CELF2: variants seen among roughly 807,000 people sequenced by gnomAD.
CELF2 encodes CUG triplet repeat RNA-binding protein 2.
A neutral mutation model predicts 62.6 loss-of-function variants in CELF2; 8 were observed. The ratio of observed to expected loss-of-function variants is 0.13; its 90% confidence interval spans 0.07 to 0.23. The LOEUF is 0.23. CELF2 is among the 10% of genes least tolerant of loss of function. The pLI is 1.00. For missense variants in CELF2, 333 were observed against 671.0 expected, an observed-to-expected ratio of 0.50 and a Z score of 5.56; for synonymous variants, 258 against 250.0, an observed-to-expected ratio of 1.03 and a Z score of -0.30.
At chr10:10,758,642 T>A in the CELF2 span, among the ~76,000 whole-genome samples, 2 of 152,206 alleles carry the variant, frequency 1.3e-5, no homozygotes, top group Admixed American at 6.5e-5. Flanking sequence ...AAAATAAATG[T>A]ACTAAATCAG....
intron 1 of CELF2, among the ~76,000 whole-genome samples, chr10:10,843,797 C>T (rs183348286): frequency 2.0e-5 from 3 of 152,050 alleles, no homozygotes; most frequent in Admixed American, 6.6e-5. Context: ...AAAATCGCCC[C>T]CCAACACTGA....
intron 2 of CELF2, among the ~76,000 whole-genome samples, chr10:10,955,147 G>A (rs1266460819): frequency 6.6e-6 from 1 of 152,238 alleles, no homozygotes; most frequent in African/African-American, 2.4e-5. Flanking sequence ...CTGCCAGAAA[G>A]ATGGTGTTCT....
the CELF2 span, among the ~76,000 whole-genome samples, chr10:10,600,476 G>C: frequency 6.6e-6 from 1 of 152,186 alleles, no homozygotes; most frequent in African/African-American, 2.4e-5. Context: ...TCAAAACAGA[G>C]ACATGGAAGT....
At chr10:10,471,473 T>G in the CELF2 span, among the ~76,000 whole-genome samples, 1 of 151,824 alleles carries the variant, frequency 6.6e-6, no homozygotes, top group African/African-American at 2.4e-5. Context: ...GTTGACCATT[T>G]TTTTATTATA....
chr10:10,914,129 T>C (rs1206851071), intron 1 of CELF2, among the ~76,000 whole-genome samples: 3 of 72,290 alleles, frequency 4.1e-5, no homozygotes, highest in African/African-American at 1.5e-4. Context: ...TTTACCTTTT[T>C]TTAAAAAAAA....
chr10:10,550,152 A>C, the CELF2 span, among the ~76,000 whole-genome samples: 1 of 152,258 alleles, frequency 6.6e-6, no homozygotes, highest in South Asian at 2.1e-4. Context: ...TTTATGTTTT[A>C]TGTATTATAC....
At chr10:10,919,839 C>A in intron 1 of CELF2, 1 of 529,494 alleles carries the variant, frequency 1.9e-6, no homozygotes, top group Non-Finnish European at 2.9e-6. Flanking sequence ...AACTTTCTAA[C>A]CACCTGCATG....
Position 11,306,257 on chromosome 10 carries a change from C to T in CELF2, c.977-7882C>T, listed in dbSNP as rs138543144. 2.4e-4 allele frequency among the ~76,000 whole-genome samples: 37 copies of T among 151,920 alleles called. No individual in the cohort carries two copies. The highest frequency in any genetic ancestry group is 8.3e-4 in the South Asian group (4 of 4,818). ...AGATTATGAACCAACATTTATAGACCGCACCTCTCCTGAGATGCTCCTTTG... is the reference window on the plus strand; with the variant it reads ...AGATTATGAACCAACATTTATAGACTGCACCTCTCCTGAGATGCTCCTTTG... On this transcript the variant is annotated intron_variant, in intron 9 of 12. Coordinates refer to ENST00000633077, the MANE Select transcript of CELF2 (RefSeq NM_001326342.2). The surrounding 1 kb of genome is among the most constrained non-coding windows in gnomAD (Gnocchi z 4.4).
the CELF2 span, among the ~76,000 whole-genome samples, chr10:10,758,494 C>G: frequency 3.3e-5 from 5 of 152,312 alleles, no homozygotes; most frequent in African/African-American, 1.2e-4. Context: ...ATCATTTAGG[C>G]AGATGTATGA....
At chr10:11,262,482 C>T (rs1208600719) in intron 5 of CELF2, among the ~76,000 whole-genome samples, 2 of 152,190 alleles carry the variant, frequency 1.3e-5, no homozygotes, top group Non-Finnish European at 2.9e-5. Flanking sequence ...TGGCGACATG[C>T]CCCCTTGACT....
At chr10:10,872,957 G>T (rs2060846179) in intron 1 of CELF2, among the ~76,000 whole-genome samples, 1 of 152,106 alleles carries the variant, frequency 6.6e-6, no homozygotes, top group Admixed American at 6.5e-5. Context: ...GACCTTTCTT[G>T]GTGGTTAAAA....
chr10:11,120,308 A>C (rs1338691503), intron 1 of CELF2, among the ~76,000 whole-genome samples: 1 of 152,180 alleles, frequency 6.6e-6, no homozygotes, highest in Non-Finnish European at 1.5e-5. Context: ...AGTTAGTAGC[A>C]AGTAGCAAAA....
At chr10:10,927,079 G>T (rs1309571628) in intron 2 of CELF2, 2 of 152,030 alleles carry the variant, frequency 1.3e-5, no homozygotes, top group African/African-American at 2.4e-5. Context: ...CCTGGGCATT[G>T]CTCCATTCCC....
the CELF2 span, among the ~76,000 whole-genome samples, chr10:10,560,740 A>C: frequency 1.3e-5 from 2 of 152,226 alleles, no homozygotes; most frequent in Non-Finnish European, 2.9e-5. Flanking sequence ...ATAGCAGCAT[A>C]AGTCACAATT....
intron 1 of CELF2, among the ~76,000 whole-genome samples, chr10:11,042,178 A>G (rs1207106371): frequency 6.6e-6 from 1 of 152,208 alleles, no homozygotes; most frequent in Admixed American, 6.5e-5. Flanking sequence ...AGAAACTTAC[A>G]TTTATCTCCT....
intron 3 of CELF2, among the ~76,000 whole-genome samples, chr10:11,235,661 C>G (rs966164510): frequency 1.3e-5 from 2 of 152,034 alleles, no homozygotes; most frequent in Non-Finnish European, 2.9e-5. Flanking sequence ...CTATGGAAGA[C>G]GAGATGAATA....
the CELF2 span, among the ~76,000 whole-genome samples, chr10:10,613,370 G>C: frequency 6.6e-6 from 1 of 152,084 alleles, no homozygotes; most frequent in African/African-American, 2.4e-5. Context: ...TATCATACTG[G>C]ATTTAATTTT....
the CELF2 span, among the ~76,000 whole-genome samples, chr10:10,512,390 C>G: frequency 7.2e-6 from 1 of 139,174 alleles, no homozygotes; most frequent in East Asian, 2.1e-4. Flanking sequence ...AGTCTAGGTA[C>G]TTTTGGAACG....
intron 1 of CELF2, among the ~76,000 whole-genome samples, chr10:10,845,413 T>G (rs2058949620): frequency 6.7e-6 from 1 of 149,828 alleles, no homozygotes; most frequent in Admixed American, 6.7e-5. Context: ...TCCCTTAAAC[T>G]TTACAATGAA....
Sources: allele counts gnomAD v4.1 joint callset (sites outside exome capture counted in the v4.1 genomes callset), GRCh38; gene constraint gnomAD v4.1.1; non-coding constraint Gnocchi (gnomAD v3.1); transcripts MANE v1.5; gene names NCBI Gene and HGNC (gene_info 2026-07-23, HGNC 2026-07-21).